Variants in PRKCH observed in about 807,000 individuals in gnomAD.
The protein encoded by PRKCH is protein kinase C eta type.
A neutral mutation model predicts 82.5 loss-of-function variants in PRKCH; 28 were observed. That is an observed-to-expected ratio of 0.34 (90% CI 0.25 to 0.47). The LOEUF (loss-of-function observed/expected upper bound fraction) is 0.47, where lower values mean the gene tolerates loss of function less well. Ranked by LOEUF, PRKCH falls within the 20% of genes least tolerant of loss-of-function variation. The pLI, the probability that PRKCH is intolerant of heterozygous loss-of-function variation, is 1.00. For synonymous variants in PRKCH, 322 were observed against 327.4 expected, an observed-to-expected ratio of 0.98 and a Z score of 0.18; for missense variants, 705 against 881.8, an observed-to-expected ratio of 0.80 and a Z score of 2.54.
chr14:61,414,343 G>A (rs1882444199), intron 2 of PRKCH, among the ~76,000 whole-genome samples: 1 of 151,034 alleles, frequency 6.6e-6, no homozygotes, highest in African/African-American at 2.4e-5. Flanking sequence ...TGTGACCTTG[G>A]CTCACTACAT....
intron 1 of PRKCH, chr14:61,279,229 CCT>C (rs1197540450): frequency 6.6e-6 from 1 of 152,150 alleles, no homozygotes; most frequent in African/African-American, 2.4e-5. Flanking sequence ...TCACATAAAC[CCT>C]GTCCTACAAC....
intron 3 of PRKCH, 67 bp from the exon 4 acceptor site, chr14:61,445,625 C>G: frequency 7.1e-7 from 1 of 1,409,874 alleles, no homozygotes. Flanking sequence ...AATTTGTTTT[C>G]CTTAAGGACT....
chr14:61,469,750 C>T (rs968824600), intron 9 of PRKCH, among the ~76,000 whole-genome samples: 8 of 152,204 alleles, frequency 5.3e-5, no homozygotes, highest in Non-Finnish European at 1.0e-4. Context: ...CACAGCATCT[C>T]ATGAGCAGAA....
At chr14:61,241,772 C>T (rs12434828) in intron 1 of PRKCH, among the ~76,000 whole-genome samples, 40,790 of 152,042 alleles carry the variant, frequency 0.27, 5,733 homozygotes, top group Admixed American at 0.35. Flanking sequence ...AGTTCCATGT[C>T]CTCTTTGAAC....
At chr14:61,285,538 A>C (rs1050222912) in intron 1 of PRKCH, among the ~76,000 whole-genome samples, 6 of 152,192 alleles carry the variant, frequency 3.9e-5, no homozygotes, top group Admixed American at 3.9e-4. Flanking sequence ...TTCTGTTCCT[A>C]GTCTTCCTTA....
intron 1 of PRKCH, among the ~76,000 whole-genome samples, chr14:61,197,235 C>T (rs2140036143): frequency 6.6e-6 from 1 of 152,304 alleles, no homozygotes; most frequent in East Asian, 1.9e-4. Flanking sequence ...AATAAAAGGA[C>T]ATATTTTGCC....
At chr14:61,328,112 C>T (rs189030263) in intron 1 of PRKCH, among the ~76,000 whole-genome samples, 29,140 of 151,082 alleles carry the variant, frequency 0.19, 3,111 homozygotes, top group African/African-American at 0.3. Flanking sequence ...TAGCCGGGCG[C>T]GGTGGCGGGC....
At chr14:61,332,688 C>A (rs1397980721) in intron 1 of PRKCH, among the ~76,000 whole-genome samples, 1 of 152,172 alleles carries the variant, frequency 6.6e-6, no homozygotes, top group Non-Finnish European at 1.5e-5. Context: ...ATATTCTATA[C>A]CTCGTCCTGT....
intron 1 of PRKCH, among the ~76,000 whole-genome samples, chr14:61,217,362 T>A (rs1231756666): frequency 6.6e-6 from 1 of 152,164 alleles, no homozygotes. Context: ...CAGTGAGCCA[T>A]GTTCATGCCA....
In PRKCH at chr14:61,382,635, G is replaced by A. The variant is rs146036176; in HGVS notation, c.364-8590G>A. Among the ~76,000 whole-genome samples, 605 of 152,244 alleles carry A rather than the reference G, an allele frequency of 4.0e-3. 5 individuals are homozygous for A. Among genetic ancestry groups the A allele is most frequent in the African/African-American group, 0.014 (567 of 41,542 alleles). The stretch of plus-strand genomic sequence containing the variant: ...TTATTTATCGCTAGAGTAAGACTTA[G>A]GAAAGCTATAGAAAAGAGCCATCCA... On this transcript the variant is annotated intron_variant, in intron 1 of 13. Transcript: ENST00000332981.
intron 1 of PRKCH, among the ~76,000 whole-genome samples, chr14:61,232,871 G>A (rs1202827978): frequency 2.6e-5 from 4 of 152,016 alleles, no homozygotes; most frequent in South Asian, 2.1e-4. Flanking sequence ...CTGACACTAC[G>A]CAGGGGTTGC....
chr14:61,342,880 C>T (rs1027450923), intron 1 of PRKCH, among the ~76,000 whole-genome samples: 6 of 152,178 alleles, frequency 3.9e-5, no homozygotes, highest in Admixed American at 2.6e-4. Context: ...TTCTCTCTAC[C>T]GGCTAACATT....
chr14:61,503,574 G>T (rs2210821), intron 10 of PRKCH, among the ~76,000 whole-genome samples: 129,602 of 152,142 alleles, frequency 0.85, 55,264 homozygotes, highest in Middle Eastern at 0.9. Flanking sequence ...TGTAAAATAT[G>T]AAGTGTGTAT....
intron 1 of PRKCH, among the ~76,000 whole-genome samples, chr14:61,201,017 A>AAACATGAAG (rs1197192550): frequency 1.3e-5 from 2 of 152,166 alleles, no homozygotes; most frequent in African/African-American, 2.4e-5. Flanking sequence ...ATCATGGTTT[A>AAACATGAAG]AACATGAAGC....
chr14:61,379,850 T>C lies in PRKCH; in HGVS notation c.364-11375T>C, dbSNP rs75863406. ...CGTATGCTCCCTTTCTGGAAGGGTC[T>C]ACTTAGCAGAAACGAGGAGTGGCGA... On this transcript the variant is annotated intron_variant, in intron 1 of 13. Coordinates refer to ENST00000332981, the MANE Select transcript of PRKCH (RefSeq NM_006255.5). Among the ~76,000 whole-genome samples the C allele has an allele frequency of 2.2e-3, 330 of 152,336 alleles. 5 individuals carry two copies. The highest frequency in any genetic ancestry group is 7.6e-3 in the African/African-American group (316 of 41,576).
intron 9 of PRKCH, among the ~76,000 whole-genome samples, chr14:61,480,270 C>T (rs1885914395): frequency 6.6e-6 from 1 of 152,204 alleles, no homozygotes. Context: ...CTCACTACAA[C>T]CATAATCCAT....
intron 1 of PRKCH, among the ~76,000 whole-genome samples, chr14:61,257,974 A>AT (rs34229311): frequency 0.48 from 73,333 of 151,308 alleles, 20,540 homozygotes; most frequent in Non-Finnish European, 0.61. Context: ...CGTTTTATGG[A>AT]TTTTTTTTTC....
intron 1 of PRKCH, among the ~76,000 whole-genome samples, chr14:61,284,561 G>T (rs985699461): frequency 1.3e-5 from 2 of 152,142 alleles, no homozygotes; most frequent in Non-Finnish European, 2.9e-5. Context: ...CGTAAGTTCC[G>T]AGAGGTGGAA....
chr14:61,437,716 A>G (rs767144474), intron 2 of PRKCH, among the ~76,000 whole-genome samples: 1 of 152,116 alleles, frequency 6.6e-6, no homozygotes. Context: ...AGCTAGCTAA[A>G]TGTGTCTCGG....
Sources: gnomAD v4.1 joint callset for allele counts (sites outside exome capture counted in the v4.1 genomes callset) on GRCh38, gnomAD v4.1.1 for gene constraint, MANE v1.5 for transcripts, NCBI Gene and HGNC (gene_info 2026-07-23, HGNC 2026-07-21) for gene names.